Variants in AGAP3 observed in about 807,000 individuals in gnomAD.
The protein encoded by AGAP3 is ArfGAP with GTPase domain, ankyrin repeat and PH domain 3.
AGAP3 carries 24 observed loss-of-function variants against 96.9 expected under a neutral mutation model. The observed-to-expected ratio is 0.25, with a 90% CI of 0.18 to 0.35. AGAP3 has a LOEUF of 0.35. Among genes scored for constraint, AGAP3 ranks in the 10% least tolerant of loss-of-function variants. The pLI is 1.00. For synonymous variants in AGAP3, 563 were observed against 536.1 expected (o/e 1.05, Z -0.69); for missense variants, 876 against 1,254.2 (o/e 0.70, Z 4.55).
chr7:151,104,208 A>G (rs1329579603), intron 1 of AGAP3, among the ~76,000 whole-genome samples: 9 of 152,120 alleles, frequency 5.9e-5, no homozygotes, highest in Non-Finnish European at 1.2e-4. Flanking sequence ...AAACCCGACA[A>G]TCTTTCTGTA....
chr7:151,100,722 G>A (rs1449931482), intron 1 of AGAP3, among the ~76,000 whole-genome samples: 1 of 152,176 alleles, frequency 6.6e-6, no homozygotes, highest in East Asian at 1.9e-4. Flanking sequence ...CACGCCTGTA[G>A]TCCCAGCTAC....
At chr7:151,112,396 CGTGTGTGTGTGT>C (rs71819427) in intron 1 of AGAP3, among the ~76,000 whole-genome samples, 15,453 of 139,878 alleles carry the variant, frequency 0.11, 1,876 homozygotes, top group African/African-American at 0.31. Context: ...TTCCCCGAGA[CGTGTGTGTGTGT>C]GTGTGTGTGT....
intron 10 of AGAP3, among the ~76,000 whole-genome samples, chr7:151,132,035 G>A (rs1800423387): frequency 6.6e-6 from 1 of 152,218 alleles, no homozygotes; most frequent in Non-Finnish European, 1.5e-5. Flanking sequence ...TGAGTCTGTG[G>A]GATGCAAGTG....
At position 151,140,955 on chromosome 7, in the gene AGAP3, G is replaced by A. The variant is rs546305037; in HGVS notation, c.1804+839G>A. On this transcript the variant is annotated intron_variant, in intron 13 of 17. Coordinates refer to ENST00000397238, the MANE Select transcript of AGAP3 (RefSeq NM_031946.7). The surrounding 1 kb of genome is among the most constrained non-coding windows in gnomAD (Gnocchi z 5.4). ...GAAGGCAGTTCTGCTAACAGTCCCT[G>A]AGAGCAAGGGCCCAGCAGAGGAGGA... is the stretch of plus-strand genomic sequence containing the variant. 20 of 152,356 alleles carry A rather than the reference G, an allele frequency of 1.3e-4. No homozygotes were observed. The highest frequency in any genetic ancestry group is 4.8e-4 in the African/African-American group (20 of 41,544). The allele number at this position is 152,356 out of a possible 1,614,324, so 9.4% of individuals were successfully genotyped here. A position where few individuals can be genotyped will look rare whatever the true frequency, so the allele number is the denominator to read the frequency against.
intron 5 of AGAP3, 27 bp downstream of exon 5, chr7:151,117,804 C>T (rs1334808821): frequency 6.3e-7 from 1 of 1,591,622 alleles, no homozygotes. Context: ...CAGGAGCTGG[C>T]AGAGAGCAGG....
Position 151,118,690 on chromosome 7 carries a change from T to C in AGAP3, c.969+58T>C. The stretch of plus-strand genomic sequence containing the variant: ...CCCCACCATGTCTGTCTTGCCTCTG[T>C]GCGTCCTGCCACTTCTGCTGGCCTC... On this transcript the variant is annotated intron_variant, in intron 7 of 17. Coordinates refer to ENST00000397238, the MANE Select transcript of AGAP3 (RefSeq NM_031946.7). This position sits in a 1 kb window ranked among gnomAD's most constrained non-coding sequence, Gnocchi z 6.1. 6.3e-7 allele frequency: 1 copy of C among 1,586,238 alleles called. No homozygotes were observed. Among genetic ancestry groups the C allele is most frequent in the South Asian group, 1.1e-5 (1 of 89,698 alleles).
At chr7:151,126,168 G>T (rs1470173835) in intron 9 of AGAP3, among the ~76,000 whole-genome samples, 2 of 152,016 alleles carry the variant, frequency 1.3e-5, no homozygotes, top group African/African-American at 4.8e-5. Context: ...TGCCGAGGAC[G>T]GGGGCGTTCA....
Position 151,142,063 on chromosome 7 carries a change from A to G in AGAP3, c.1959+11A>G. The stretch of plus-strand genomic sequence containing the variant: ...AGTGCCAAGGACAAGGTGGGTACAG[A>G]GTGACTGGGCCCACACAGAGCACCT... On this transcript the variant is annotated intron_variant, in intron 14 of 17. Transcript: ENST00000397238. This position sits in a 1 kb window ranked among gnomAD's most constrained non-coding sequence, Gnocchi z 7.5. The G allele has an allele frequency of 6.2e-7, 1 of 1,611,362 alleles. No homozygotes were observed. Among genetic ancestry groups the G allele is most frequent in the Non-Finnish European group, 8.5e-7 (1 of 1,178,114 alleles).
rs778038307 is a variant in AGAP3 at position 151,134,405 on chromosome 7, C to T, written c.1332C>T (p.Tyr444=). ...LLTYHPSLHD[Y]MQNIHGKEID... ...CTCTCCCACCCGGCCTGCAGGATTA[C>T]ATGCAGAACATCCACGGCAAGGAGA... The change falls in exon 11 of 18, where the codon TAC becomes TAT. Residue 444 remains tyrosine (Y), a synonymous_variant. Transcript: ENST00000397238. 2 of 1,613,684 alleles carry T rather than the reference C, an allele frequency of 1.2e-6. No homozygotes were observed. Among genetic ancestry groups the T allele is most frequent in the African/African-American group, 1.3e-5 (1 of 75,052 alleles).
intron 1 of AGAP3, among the ~76,000 whole-genome samples, chr7:151,110,461 G>A (rs1186626460): frequency 6.6e-6 from 1 of 151,804 alleles, no homozygotes; most frequent in African/African-American, 2.4e-5. Flanking sequence ...GGCGGGTCCT[G>A]GGGAGGGTGT....
At chr7:151,122,378 G>A (rs1799939657) in intron 8 of AGAP3, among the ~76,000 whole-genome samples, 1 of 152,216 alleles carries the variant, frequency 6.6e-6, no homozygotes, top group Non-Finnish European at 1.5e-5. Flanking sequence ...TCCCCTCGCT[G>A]TGCCCTTGGC....
At chr7:151,122,755 A>G in intron 8 of AGAP3, 1 of 1,613,844 alleles carries the variant, frequency 6.2e-7, no homozygotes. Flanking sequence ...CTTTTCATCA[A>G]CAAAAAGGCC....
Position 151,142,261 on chromosome 7 carries a change from C to G in AGAP3, c.2050+8C>G. On this transcript the variant is annotated splice_region_variant and intron_variant, in intron 15 of 17. Transcript: ENST00000397238. This position sits in a 1 kb window ranked among gnomAD's most constrained non-coding sequence, Gnocchi z 7.5. ...TCGACTGCGATGCACCCAGTGAGTG[C>G]AAGGCTGGTGGGGCTGGGAGCTGGG... is the stretch of plus-strand genomic sequence containing the variant. 1 of 1,612,072 alleles carries G rather than the reference C, an allele frequency of 6.2e-7. No individual in the cohort carries two copies. Among genetic ancestry groups the G allele is most frequent in the African/African-American group, 1.3e-5 (1 of 75,052 alleles).
chr7:151,093,043 G>A (rs983037161), intron 1 of AGAP3, among the ~76,000 whole-genome samples: 3 of 152,168 alleles, frequency 2.0e-5, no homozygotes, highest in South Asian at 2.1e-4. Context: ...TCTCTGAGGC[G>A]TCTGTCTCCC....
At position 151,139,157 on chromosome 7, in the gene AGAP3, T is replaced by C. The variant is rs1045511630; in HGVS notation, c.1667-822T>C. On this transcript the variant is annotated intron_variant, in intron 12 of 17. Transcript: ENST00000397238. This position sits in a 1 kb window ranked among gnomAD's most constrained non-coding sequence, Gnocchi z 4.9. ...CAGGAAGACCCAGGGTGCCCCACTGTCACCCCAGCCATGGGTGCTCTCCCA... is the reference window on the plus strand; with the variant it reads ...CAGGAAGACCCAGGGTGCCCCACTGCCACCCCAGCCATGGGTGCTCTCCCA... Among the ~76,000 whole-genome samples the C allele has an allele frequency of 3.3e-4, 50 of 152,312 alleles. No individual in the cohort carries two copies. Among genetic ancestry groups the C allele is most frequent in the African/African-American group, 1.2e-3 (48 of 41,566 alleles).
rs554318518 is a variant in AGAP3, at chr7:151,138,249, C to G, written c.1602C>G (p.Ser534=). The G allele has an allele frequency of 1.2e-6, 2 of 1,612,906 alleles. No homozygotes were observed. The highest frequency in any genetic ancestry group is 2.7e-5 in the African/African-American group (2 of 75,048). Residue 534 remains serine (S), a synonymous_variant, in exon 12 of 18, where the codon TCC becomes TCG. Transcript: ENST00000397238. ...AGGGGCTGCACCAGCGCTCCTGCTC[C>G]GTTTCCAGCGCCGACCAGTGGAGTG... ...RPEGLHQRSC[S]VSSADQWSEA... is the part of the protein sequence containing the mutation.
chr7:151,107,463 A>C (rs1392736324), intron 1 of AGAP3, among the ~76,000 whole-genome samples: 1 of 151,998 alleles, frequency 6.6e-6, no homozygotes, highest in Non-Finnish European at 1.5e-5. Context: ...GTCTCTACAA[A>C]AAAAATACTA....
rs200886154 is a variant in AGAP3, at chr7:151,116,897, G to C, written c.390+46G>C. 2.5e-6 allele frequency: 4 copies of C among 1,611,006 alleles called. No individual in the cohort carries two copies. The African/African-American group carries it at 4.0e-5, about 16-fold the overall frequency. On this transcript the variant is annotated intron_variant, in intron 2 of 17. Coordinates refer to ENST00000397238, the MANE Select transcript of AGAP3 (RefSeq NM_031946.7). ...GCACCGGCGGCCTGGAGCTGGGGGG[G>C]CGAGGCTGGGTGCCGCGGGCCTGGG...
At chr7:151,129,914 T>A (rs1485873103) in intron 10 of AGAP3, among the ~76,000 whole-genome samples, 1 of 152,204 alleles carries the variant, frequency 6.6e-6, no homozygotes, top group Non-Finnish European at 1.5e-5. Context: ...TATTTCCCTG[T>A]TGAAAGGCTC....
Sources: allele counts gnomAD v4.1 joint callset (sites outside exome capture counted in the v4.1 genomes callset), GRCh38; gene constraint gnomAD v4.1.1; non-coding constraint Gnocchi (gnomAD v3.1); transcripts MANE v1.5; gene names NCBI Gene and HGNC (gene_info 2026-07-23, HGNC 2026-07-21).